NLRP5: variants seen among roughly 807,000 people sequenced by gnomAD.
NLRP5 encodes NLR family pyrin domain containing 5, also known as NACHT, LRR and PYD domains-containing protein 5.
In NLRP5, 93 loss-of-function variants were observed where a neutral mutation model predicts 113.1. The ratio of observed to expected loss-of-function variants is 0.82; its 90% CI spans 0.70 to 0.98. The LOEUF (loss-of-function observed/expected upper bound fraction) is 0.98. Among genes scored for constraint, NLRP5 ranks in the 50% least tolerant of loss-of-function variants. NLRP5 has a pLI of 0.00. For synonymous variants in NLRP5, 751 were observed against 600.7 expected (o/e 1.25, Z -3.66); for missense variants, 1,808 against 1,514.3 (o/e 1.19, Z -3.22).
At chr19:56,006,968 C>T (rs55901611) in intron 2 of NLRP5, among the ~76,000 whole-genome samples, 64,907 of 149,024 alleles carry the variant, frequency 0.44, 14,710 homozygotes, top group Non-Finnish European at 0.45. Context: ...CTCGATCTCC[C>T]GACCTTGTGA....
intron 14 of NLRP5, among the ~76,000 whole-genome samples, chr19:56,060,517 C>A (rs769954385): frequency 5.3e-5 from 8 of 151,980 alleles, no homozygotes; most frequent in African/African-American, 1.9e-4. Flanking sequence ...TGCTTAAAGT[C>A]ACTGTTTCCA....
intron 9 of NLRP5, 55 bp from the exon 10 acceptor site, chr19:56,037,970 A>G: frequency 6.3e-7 from 1 of 1,591,032 alleles, no homozygotes; most frequent in Non-Finnish European, 8.6e-7. Flanking sequence ...AGTAGAGGGG[A>G]AATGGGCTGC....
chr19:56,058,236 G>C lies in NLRP5; in HGVS notation c.3300-4G>C, dbSNP rs754954296. 6.2e-7 allele frequency: 1 copy of C among 1,611,456 alleles called. No homozygotes were observed. Among genetic ancestry groups the C allele is most frequent in the South Asian group, 1.1e-5 (1 of 90,724 alleles). On this transcript the variant is annotated splice_polypyrimidine_tract_variant and splice_region_variant and intron_variant, in intron 13 of 14. Transcript: ENST00000390649. ...GTTATTTTCTGGGTGTCCTGACCCT[G>C]CAGGTTGAAGGCATGTGGACTGACT...
chr19:55,987,793 C>T, the NLRP5 span: 1 of 1,572,312 alleles, frequency 6.4e-7, no homozygotes. Flanking sequence ...CAACCAGCAG[C>T]CTTCCTTTAC....
chr19:56,028,910 A>G (rs917893116), intron 7 of NLRP5, among the ~76,000 whole-genome samples: 2 of 152,158 alleles, frequency 1.3e-5, no homozygotes, highest in African/African-American at 2.4e-5. Flanking sequence ...GACTACAGGC[A>G]TGCACCACCA....
At chr19:55,987,227 G>A in the NLRP5 span, among the ~76,000 whole-genome samples, 1 of 152,170 alleles carries the variant, frequency 6.6e-6, no homozygotes, top group Non-Finnish European at 1.5e-5. Flanking sequence ...AAAATGAGCT[G>A]GGCGTGGTGG....
Position 56,032,310 on chromosome 19 carries a change from G to A in NLRP5, c.2277-301G>A, listed in dbSNP as rs370381529. Among the ~76,000 whole-genome samples the A allele has an allele frequency of 3.0e-3, 451 of 150,108 alleles. 5 individuals are homozygous for A. The highest frequency in any genetic ancestry group is 0.011 in the African/African-American group (426 of 40,520). ...CAGTGAGCCGAGATTGCGCCACTGC[G>A]CTCCAGCCTGGGCAACGGAGCGAGA... On this transcript the variant is annotated intron_variant, in intron 7 of 14. Coordinates refer to ENST00000390649, the MANE Select transcript of NLRP5 (RefSeq NM_153447.4).
chr19:56,013,438 C>T (rs145307653), intron 3 of NLRP5, among the ~76,000 whole-genome samples: 5,917 of 151,918 alleles, frequency 0.039, 160 homozygotes, highest in Non-Finnish European at 0.064. Context: ...GTGATCTGCC[C>T]ACCTCAGCCT....
At chr19:56,047,983 T>A (rs949587869) in intron 11 of NLRP5, among the ~76,000 whole-genome samples, 1 of 152,244 alleles carries the variant, frequency 6.6e-6, no homozygotes, top group African/African-American at 2.4e-5. Flanking sequence ...ATGTCCCTTT[T>A]TGTCTCCTTA....
chr19:56,041,336 G>T (rs755758888), intron 11 of NLRP5, among the ~76,000 whole-genome samples: 1 of 152,074 alleles, frequency 6.6e-6, no homozygotes, highest in Non-Finnish European at 1.5e-5. Context: ...ATAATTGGAG[G>T]TCATCATGTT....
chr19:56,028,807 C>G (rs2123307352), intron 7 of NLRP5, among the ~76,000 whole-genome samples: 1 of 152,308 alleles, frequency 6.6e-6, no homozygotes, highest in South Asian at 2.1e-4. Context: ...ACTCTGTTGC[C>G]AGGCTGGAGT....
chr19:56,039,953 T>C (rs1363187635), intron 10 of NLRP5, among the ~76,000 whole-genome samples: 1 of 151,920 alleles, frequency 6.6e-6, no homozygotes, highest in Non-Finnish European at 1.5e-5. Context: ...CTAAGGGTCA[T>C]GATGTGTTAG....
the NLRP5 span, among the ~76,000 whole-genome samples, chr19:55,990,609 G>T: frequency 2.0e-5 from 3 of 152,014 alleles, no homozygotes; most frequent in Non-Finnish European, 4.4e-5. Context: ...GGTGGATCAT[G>T]AGGTCAGGAG....
chr19:56,015,817 T>A lies in NLRP5; in HGVS notation c.565+19T>A, dbSNP rs1386082277. On this transcript the variant is annotated intron_variant, in intron 4 of 14. Transcript: ENST00000390649. ...GAACAAGGTGAATGAAATAGATCTA[T>A]TCATTTGTTGCCCTCCTGGAAGAAA... 1 of 1,534,966 alleles carries A rather than the reference T, an allele frequency of 6.5e-7. No homozygotes were observed. Among genetic ancestry groups the A allele is most frequent in the East Asian group, 2.4e-5 (1 of 41,996 alleles).
chr19:55,998,710 G>GTGTGTGTGTATATATATATATA (rs764250371), upstream of NLRP5, among the ~76,000 whole-genome samples: 335 of 67,694 alleles, frequency 4.9e-3, 6 homozygotes, highest in South Asian at 8.9e-3. Flanking sequence ...ATATGTGTGT[G>GTGTGTGTGTATATATATATATA]TGTGTATATA....
intron 7 of NLRP5, 87 bp downstream of exon 7, chr19:56,028,596 C>G: frequency 7.8e-7 from 1 of 1,279,144 alleles, no homozygotes; most frequent in South Asian, 1.4e-5. Flanking sequence ...CCAGGAACTT[C>G]AAGGTCCCAG....
At chr19:55,991,431 T>C in the NLRP5 span, among the ~76,000 whole-genome samples, 1 of 152,172 alleles carries the variant, frequency 6.6e-6, no homozygotes, top group Admixed American at 6.6e-5. Context: ...TCTTGGATGA[T>C]ATTATACTGA....
rs774769276 is a variant in NLRP5 at position 56,007,888 on chromosome 19, TGC to T, written c.443-896_443-895del. On this transcript the variant is annotated intron_variant, in intron 2 of 14. Coordinates refer to ENST00000390649, the MANE Select transcript of NLRP5 (RefSeq NM_153447.4). ...GACAGTTTGTGTGTGTGTGTGTGTGTGCGCGTGCGCGCGTGCGTGTGTGTGTG... is the reference window on the plus strand; with the variant it reads ...GACAGTTTGTGTGTGTGTGTGTGTGTGCGTGCGCGCGTGCGTGTGTGTGTG... Among the ~76,000 whole-genome samples the T allele has an allele frequency of 7.0e-3, 475 of 67,946 alleles. 22 individuals carry two copies. The highest frequency in any genetic ancestry group is 0.018 in the African/African-American group (369 of 21,074). The allele number at this position is 67,946 out of a possible 152,430, so 44.6% of individuals were successfully genotyped here.
chr19:56,005,297 A>G (rs1170208213), intron 2 of NLRP5, among the ~76,000 whole-genome samples: 2 of 147,348 alleles, frequency 1.4e-5, no homozygotes, highest in African/African-American at 5.0e-5. Context: ...TTTTATATAT[A>G]CACATATATA....
Sources: gnomAD v4.1 joint callset for allele counts (sites outside exome capture counted in the v4.1 genomes callset) on GRCh38, gnomAD v4.1.1 for gene constraint, MANE v1.5 for transcripts, NCBI Gene and HGNC (gene_info 2026-07-23, HGNC 2026-07-21) for gene names.